The following GRM7 variants were observed in gnomAD, a reference collection of about 807,000 sequenced individuals.
The protein encoded by GRM7 is metabotropic glutamate receptor 7.
Under a neutral mutation model 84.5 loss-of-function variants are expected in GRM7, and 35 were observed. The observed-to-expected ratio is 0.41, with a 90% confidence interval of 0.32 to 0.55. The LOEUF (loss-of-function observed/expected upper bound fraction) is 0.55, where lower values mean the gene tolerates loss of function less well. Among genes scored for constraint, GRM7 ranks in the 20% least tolerant of loss-of-function variants. The pLI, the probability that GRM7 is intolerant of heterozygous loss-of-function variation, is 0.19. For synonymous variants in GRM7, 487 were observed against 455.1 expected (o/e 1.07, Z -0.89); for missense variants, 1,003 against 1,194.6 (o/e 0.84, Z 2.36).
intron 5 of GRM7, among the ~76,000 whole-genome samples, chr3:7,437,981 G>T (rs75748417): frequency 1.3e-5 from 2 of 151,972 alleles, no homozygotes; most frequent in Non-Finnish European, 2.9e-5. Flanking sequence ...AAAAAAAAAG[G>T]TCACAGAACA....
chr3:7,682,974 C>G (rs1700438860), intron 9 of GRM7, among the ~76,000 whole-genome samples: 4 of 152,196 alleles, frequency 2.6e-5, no homozygotes, highest in Admixed American at 2.6e-4. Context: ...ATCAAAGCCA[C>G]ACATGTGGTT....
intron 7 of GRM7, chr3:7,535,342 A>G (rs1476594643): frequency 2.6e-5 from 4 of 152,230 alleles, no homozygotes; most frequent in African/African-American, 9.6e-5. Flanking sequence ...TGGAACAGAT[A>G]GGGGAAATAA....
intron 7 of GRM7, among the ~76,000 whole-genome samples, chr3:7,466,896 ACTC>A (rs919326317): frequency 6.6e-6 from 1 of 151,954 alleles, no homozygotes; most frequent in African/African-American, 2.4e-5. Context: ...TAGACTAAAA[ACTC>A]CTTGAAGGTA....
At chr3:7,333,522 C>G (rs780286531) in intron 4 of GRM7, among the ~76,000 whole-genome samples, 6 of 152,126 alleles carry the variant, frequency 3.9e-5, no homozygotes, top group Non-Finnish European at 7.4e-5. Context: ...ACTGAAACAA[C>G]TGAACCAGAA....
intron 5 of GRM7, among the ~76,000 whole-genome samples, chr3:7,445,495 G>C (rs1697467782): frequency 6.6e-6 from 1 of 152,166 alleles, no homozygotes; most frequent in South Asian, 2.1e-4. Flanking sequence ...GCTGCGGGTG[G>C]TGCTGTGACC....
intron 8 of GRM7, among the ~76,000 whole-genome samples, chr3:7,665,326 C>A (rs192944188): frequency 1.3e-5 from 2 of 151,664 alleles, no homozygotes; most frequent in Admixed American, 1.3e-4. Context: ...TGCCCGCCAC[C>A]GCACCCGGCT....
chr3:6,981,133 C>G (rs542557163), intron 1 of GRM7, among the ~76,000 whole-genome samples: 2 of 152,182 alleles, frequency 1.3e-5, no homozygotes, highest in South Asian at 4.1e-4. Context: ...AAGGTTTAAC[C>G]AAAACCCTGA....
intron 2 of GRM7, among the ~76,000 whole-genome samples, chr3:7,184,101 G>T (rs73124155): frequency 0.019 from 2,948 of 152,226 alleles, 84 homozygotes; most frequent in African/African-American, 0.067. Flanking sequence ...AAGAGAAAAA[G>T]AGAGTGTGAA....
intron 2 of GRM7, among the ~76,000 whole-genome samples, chr3:7,203,709 C>T (rs996226868): frequency 2.0e-5 from 3 of 152,106 alleles, no homozygotes; most frequent in Admixed American, 1.3e-4. Flanking sequence ...TATATTCCCA[C>T]GAAATGTGTG....
intron 1 of GRM7, among the ~76,000 whole-genome samples, chr3:6,964,518 G>C: frequency 6.6e-6 from 1 of 152,034 alleles, no homozygotes; most frequent in East Asian, 1.9e-4. Flanking sequence ...GACATATCCA[G>C]TCCCTTCTTT....
chr3:7,499,848 C>G (rs1318866501), intron 7 of GRM7, among the ~76,000 whole-genome samples: 1 of 151,314 alleles, frequency 6.6e-6, no homozygotes, highest in Non-Finnish European at 1.5e-5. Context: ...AATCTCGGCT[C>G]ACTGCAAGCT....
intron 2 of GRM7, among the ~76,000 whole-genome samples, chr3:7,234,335 T>G (rs1209564837): frequency 6.6e-6 from 1 of 152,204 alleles, no homozygotes; most frequent in African/African-American, 2.4e-5. Flanking sequence ...TTCACATATG[T>G]GGATTCTCAT....
At chr3:7,183,478 C>G (rs1695412879) in intron 2 of GRM7, among the ~76,000 whole-genome samples, 1 of 151,700 alleles carries the variant, frequency 6.6e-6, no homozygotes, top group South Asian at 2.1e-4. Flanking sequence ...AATACAAAAA[C>G]TAGCAGGGCG....
chr3:7,186,704 A>G (rs942253996), intron 2 of GRM7, among the ~76,000 whole-genome samples: 37 of 152,140 alleles, frequency 2.4e-4, no homozygotes, highest in Admixed American at 6.5e-5. Context: ...TGTCATTGTC[A>G]TAACCGTCTT....
intron 8 of GRM7, among the ~76,000 whole-genome samples, chr3:7,610,024 A>T (rs909551447): frequency 6.6e-6 from 1 of 151,976 alleles, no homozygotes; most frequent in Admixed American, 6.6e-5. Context: ...GTGCCTTCCT[A>T]TGCTGGATGT....
intron 5 of GRM7, among the ~76,000 whole-genome samples, chr3:7,418,460 T>C (rs1208353619): frequency 6.6e-6 from 1 of 152,178 alleles, no homozygotes; most frequent in Non-Finnish European, 1.5e-5. Flanking sequence ...TGTTTTCTCA[T>C]GGAGACAATG....
intron 2 of GRM7, among the ~76,000 whole-genome samples, chr3:7,276,713 A>G (rs1452422538): frequency 6.7e-6 from 1 of 149,298 alleles, no homozygotes; most frequent in Non-Finnish European, 1.5e-5. Flanking sequence ...ATATAGCCTT[A>G]GCATTTAGGG....
At chr3:7,463,137 A>G (rs1490520326) in intron 7 of GRM7, among the ~76,000 whole-genome samples, 1 of 152,156 alleles carries the variant, frequency 6.6e-6, no homozygotes, top group Non-Finnish European at 1.5e-5. Flanking sequence ...ATCAAGGTCT[A>G]TGGTACATAG....
intron 2 of GRM7, among the ~76,000 whole-genome samples, chr3:7,195,277 G>A (rs1475163769): frequency 6.6e-6 from 1 of 152,258 alleles, no homozygotes; most frequent in East Asian, 1.9e-4. Context: ...CCATGCTTCA[G>A]TAAGCCAGCA....
Sources: allele counts gnomAD v4.1 joint callset (sites outside exome capture counted in the v4.1 genomes callset), GRCh38; gene constraint gnomAD v4.1.1; transcripts MANE v1.5; gene names NCBI Gene and HGNC (gene_info 2026-07-23, HGNC 2026-07-21).